Variants in DCC observed in about 807,000 individuals in gnomAD.
The protein encoded by DCC is netrin receptor DCC.
DCC carries 58 observed loss-of-function variants against 172.5 expected under a neutral mutation model. The observed-to-expected ratio is 0.34, with a 90% CI of 0.27 to 0.42. DCC has a LOEUF of 0.42. DCC is among the 10% of genes least tolerant of loss of function. The pLI is 1.00. For synonymous variants in DCC, 709 were observed against 644.5 expected (o/e 1.10, Z -1.52); for missense variants, 1,740 against 1,791.0 (o/e 0.97, Z 0.51).
At chr18:53,517,741 A>C (rs557464616) in intron 27 of DCC, among the ~76,000 whole-genome samples, 65 of 152,184 alleles carry the variant, frequency 4.3e-4, no homozygotes, top group African/African-American at 1.5e-3. Context: ...GAGAAATAAG[A>C]AGGTTGGGAG....
At chr18:52,920,525 C>CAAA (rs202127596) in intron 3 of DCC, among the ~76,000 whole-genome samples, 2 of 149,636 alleles carry the variant, frequency 1.3e-5, no homozygotes, top group African/African-American at 4.9e-5. Context: ...GGCTAAAATA[C>CAAA]AAAAAAAATA....
intron 28 of DCC, among the ~76,000 whole-genome samples, chr18:53,528,786 T>C (rs889136275): frequency 1.6e-4 from 25 of 152,258 alleles, no homozygotes; most frequent in African/African-American, 6.0e-4. Flanking sequence ...TTGTCAATAA[T>C]GTATTTTACT....
chr18:53,071,000 T>C (rs7359818), intron 7 of DCC, among the ~76,000 whole-genome samples: 5,620 of 152,282 alleles, frequency 0.037, 325 homozygotes, highest in African/African-American at 0.12. Flanking sequence ...CAATAAACGG[T>C]CACCATATAT....
intron 27 of DCC, among the ~76,000 whole-genome samples, chr18:53,512,718 A>C (rs947852725): frequency 8.6e-5 from 13 of 151,190 alleles, no homozygotes; most frequent in African/African-American, 2.9e-4. Flanking sequence ...TCAGCAATGG[A>C]AGATGAAATG....
At chr18:52,716,560 T>C (rs1315774618) in intron 1 of DCC, among the ~76,000 whole-genome samples, 1 of 152,202 alleles carries the variant, frequency 6.6e-6, no homozygotes, top group Non-Finnish European at 1.5e-5. Context: ...AGATGGTGAA[T>C]ATAAGTAAGT....
intron 25 of DCC, among the ~76,000 whole-genome samples, chr18:53,482,337 A>G (rs1448095433): frequency 3.3e-5 from 5 of 152,102 alleles, no homozygotes; most frequent in African/African-American, 1.2e-4. Context: ...CAGATTTATT[A>G]TTTTTGAAAG....
At chr18:53,352,529 C>T (rs944387590) in intron 15 of DCC, among the ~76,000 whole-genome samples, 1 of 152,060 alleles carries the variant, frequency 6.6e-6, no homozygotes, top group African/African-American at 2.4e-5. Context: ...CCAGACTATA[C>T]ATTTTTGGCT....
intron 1 of DCC, among the ~76,000 whole-genome samples, chr18:52,580,549 C>A (rs72912995): frequency 0.065 from 9,934 of 152,206 alleles, 401 homozygotes; most frequent in Non-Finnish European, 0.096. Flanking sequence ...ATCTCTACTG[C>A]AGTATTTATA....
intron 12 of DCC, among the ~76,000 whole-genome samples, chr18:53,301,443 A>C (rs552906913): frequency 1.1e-4 from 17 of 152,262 alleles, no homozygotes; most frequent in Non-Finnish European, 2.2e-4. Flanking sequence ...TCAAAAAAAA[A>C]AAACAAACAA....
chr18:52,468,691 A>G (rs1240960603), intron 1 of DCC, among the ~76,000 whole-genome samples: 1 of 152,226 alleles, frequency 6.6e-6, no homozygotes, highest in Non-Finnish European at 1.5e-5. Flanking sequence ...AAACACTAGT[A>G]GAGTTGAATT....
rs191707568 is a variant in DCC at position 52,412,492 on chromosome 18, A to G, written c.91+71614A>G. Among the ~76,000 whole-genome samples the G allele has an allele frequency of 1.1e-3, 172 of 152,290 alleles. 1 individual carries two copies. The South Asian group carries it at 0.018, about 16-fold the overall frequency. On this transcript the variant is annotated intron_variant, in intron 1 of 28. Transcript: ENST00000442544. ...TATACACACATATATACATATTTAT[A>G]TAGGCATGTATTTATAAATGTACAA...
intron 1 of DCC, among the ~76,000 whole-genome samples, chr18:52,591,031 A>G (rs1298354060): frequency 6.6e-6 from 1 of 152,174 alleles, no homozygotes; most frequent in African/African-American, 2.4e-5. Flanking sequence ...TATCAAAAAC[A>G]TTGAAGTTTT....
chr18:52,524,390 T>G (rs1423016700), intron 1 of DCC, among the ~76,000 whole-genome samples: 1 of 152,192 alleles, frequency 6.6e-6, no homozygotes, highest in Admixed American at 6.5e-5. Flanking sequence ...CTTCAAACAT[T>G]TTCTGCTTTA....
At chr18:53,024,169 C>G (rs1255921859) in intron 5 of DCC, among the ~76,000 whole-genome samples, 2 of 152,098 alleles carry the variant, frequency 1.3e-5, no homozygotes, top group Non-Finnish European at 2.9e-5. Flanking sequence ...GGACGTTTAA[C>G]TTTTAACAAG....
chr18:52,709,198 A>C (rs144766178), intron 1 of DCC, among the ~76,000 whole-genome samples: 135 of 152,290 alleles, frequency 8.9e-4, no homozygotes, highest in African/African-American at 3.0e-3. Flanking sequence ...AATGAGTTCA[A>C]GGTGATATAT....
At position 52,340,556 on chromosome 18, in the gene DCC, C is replaced by A; in HGVS notation, c.-232C>A. 1 of 607,438 alleles carries A rather than the reference C, an allele frequency of 1.6e-6. No homozygotes were observed. Among genetic ancestry groups the A allele is most frequent in the Non-Finnish European group, 3.0e-6 (1 of 338,708 alleles). 37.6% of individuals were successfully genotyped at this position (607,438 alleles called of 1,614,324 possible). ...TCGGGATCTCTTGGACCGAATGGAA[C>A]TTTTTGCTGCCTGCTTTTGCTGCTG... On this transcript the variant is annotated 5_prime_UTR_variant, in exon 1 of 29. Transcript: ENST00000442544.
chr18:52,871,127 A>G (rs2039311836), intron 2 of DCC, among the ~76,000 whole-genome samples: 1 of 152,172 alleles, frequency 6.6e-6, no homozygotes, highest in Non-Finnish European at 1.5e-5. Context: ...CACATTCAGG[A>G]CAAAAAGTGT....
intron 13 of DCC, among the ~76,000 whole-genome samples, chr18:53,309,945 C>CGT (rs2057246084): frequency 7.1e-5 from 7 of 98,916 alleles, no homozygotes; most frequent in Non-Finnish European, 1.4e-4. Context: ...TATATATATA[C>CGT]ATGTATATAT....
intron 5 of DCC, among the ~76,000 whole-genome samples, chr18:52,998,100 A>C (rs1367238408): frequency 2.7e-5 from 4 of 148,494 alleles, no homozygotes; most frequent in Non-Finnish European, 4.5e-5. Context: ...ATTAAAATTA[A>C]AATTAAATTA....
Sources: gnomAD v4.1 joint callset for allele counts (sites outside exome capture counted in the v4.1 genomes callset) on GRCh38, gnomAD v4.1.1 for gene constraint, MANE v1.5 for transcripts, NCBI Gene and HGNC (gene_info 2026-07-23, HGNC 2026-07-21) for gene names.